The following PODXL2 variants were observed in gnomAD, a reference collection of about 807,000 sequenced individuals.
The protein encoded by PODXL2 is podocalyxin like 2, also known as podocalyxin-like protein 2.
A neutral mutation model predicts 53.4 loss-of-function variants in PODXL2; 17 were observed. That is an observed-to-expected ratio of 0.32 (90% CI 0.22 to 0.48). The LOEUF (loss-of-function observed/expected upper bound fraction) is 0.48. Among genes scored for constraint, PODXL2 ranks in the 20% least tolerant of loss-of-function variants. The pLI, the probability that PODXL2 is intolerant of heterozygous loss-of-function variation, is 0.99. For missense variants in PODXL2, 673 were observed against 760.0 expected (o/e 0.89, Z 1.35); for synonymous variants, 311 against 306.7 (o/e 1.01, Z -0.15).
chr3:127,662,000 A>G (rs1437989242), intron 3 of PODXL2, among the ~76,000 whole-genome samples: 1 of 152,188 alleles, frequency 6.6e-6, no homozygotes, highest in Non-Finnish European at 1.5e-5. Context: ...CTTCCTGGGA[A>G]TAATGCCTGG....
At chr3:127,651,016 A>G (rs1576430552) in intron 2 of PODXL2, among the ~76,000 whole-genome samples, 2 of 152,148 alleles carry the variant, frequency 1.3e-5, no homozygotes, top group Admixed American at 6.5e-5. Context: ...CGTAATCCCA[A>G]CGCTTCGGGA....
Position 127,652,036 on chromosome 3 carries a change from GTCAGCTTGCTCCTGTCCAGCA to G in PODXL2, c.350-8339_350-8319del, listed in dbSNP as rs537645752. 5.3e-3 allele frequency among the ~76,000 whole-genome samples: 802 copies of G among 152,328 alleles called. 6 individuals carry two copies. The highest frequency in any genetic ancestry group is 0.018 in the African/African-American group (750 of 41,576). ...CTGGGGAGAGGTCATGATTCTGCTT[GTCAGCTTGCTCCTGTCCAGCA>G]TCCCAAGCCAAGCCCGGGTGCTGGA... On this transcript the variant is annotated intron_variant, in intron 2 of 7. Coordinates refer to ENST00000342480, the MANE Select transcript of PODXL2 (RefSeq NM_015720.4).
At position 127,661,726 on chromosome 3, in the gene PODXL2, C is replaced by G. The variant is rs532698371; in HGVS notation, c.1132-511C>G. Among the ~76,000 whole-genome samples, 5 of 152,168 alleles carry G rather than the reference C, an allele frequency of 3.3e-5. No homozygotes were observed. The East Asian group carries it at 5.8e-4, about 18-fold the overall frequency. ...TGCTGGGATTACAGGCATTAGCTAC[C>G]GCACCCAGCCCACACTTAGACTTCT... On this transcript the variant is annotated intron_variant, in intron 3 of 7. Transcript: ENST00000342480.
At chr3:127,671,297 G>C (rs2074834195) in intron 6 of PODXL2, 137 bp from the exon 7 acceptor site, 1 of 748,830 alleles carries the variant, frequency 1.3e-6, no homozygotes, top group Non-Finnish European at 2.2e-6. Context: ...CCAGGCGCCA[G>C]GGAACTTCAG....
Position 127,668,680 on chromosome 3 carries a change from G to A in PODXL2, c.1363+83G>A, listed in dbSNP as rs556111054. On this transcript the variant is annotated intron_variant, in intron 5 of 7. Transcript: ENST00000342480. ...TGAGGGTCACGGGAAAAAAGTGCAC[G>A]CATAAGGGCTTTGAAACTTGGAACT... 4.6e-5 allele frequency: 59 copies of A among 1,286,042 alleles called. No individual in the cohort carries two copies. The African/African-American group carries it at 7.4e-4, about 16-fold the overall frequency. 79.7% of individuals were successfully genotyped at this position (1,286,042 alleles called of 1,614,324 possible).
At chr3:127,649,189 T>C (rs2074674171) in intron 2 of PODXL2, among the ~76,000 whole-genome samples, 1 of 152,234 alleles carries the variant, frequency 6.6e-6, no homozygotes, top group South Asian at 2.1e-4. Context: ...CACATCTTGC[T>C]GTTTCACTTA....
rs2074810843 is a variant in PODXL2 at position 127,668,606 on chromosome 3, G to A, written c.1363+9G>A. 6.6e-7 allele frequency: 1 copy of A among 1,514,942 alleles called. No homozygotes were observed. Among genetic ancestry groups the A allele is most frequent in the East Asian group, 2.4e-5 (1 of 41,334 alleles). The allele number at this position is 1,514,942 out of a possible 1,614,324, so 93.8% of individuals were successfully genotyped here. On this transcript the variant is annotated intron_variant, in intron 5 of 7. Transcript: ENST00000342480. ...ACTGGTGGGCGAGCAGGGTGAGCGA[G>A]GGCAGGTGATGGGAGGGCCCAGGAG...
rs995626845 is a variant in PODXL2, at chr3:127,672,459, CGAG to C, written c.1803_1805del (p.Glu601del). ...GGGACCCCGAGGACTCGGACGTGTTCGAGGAGGACACGCACCTGTGAGCGCAGC... is the reference window on the plus strand; with the variant it reads ...GGGACCCCGAGGACTCGGACGTGTTCGAGGACACGCACCTGTGAGCGCAGC... On this transcript the variant is annotated inframe_deletion, in exon 8 of 8. Transcript: ENST00000342480. The C allele has an allele frequency of 1.3e-5, 20 of 1,530,060 alleles. No homozygotes were observed. The highest frequency in any genetic ancestry group is 2.5e-5 in the East Asian group (1 of 40,642). The allele number at this position is 1,530,060 out of a possible 1,614,324, so 94.8% of individuals were successfully genotyped here. A position where few individuals can be genotyped will look rare whatever the true frequency, so the allele number is the denominator to read the frequency against.
rs145976835 is a variant in PODXL2 at position 127,671,021 on chromosome 3, C to T, written c.1426-413C>T. Among the ~76,000 whole-genome samples the T allele has an allele frequency of 3.0e-3, 451 of 152,280 alleles. 3 individuals carry two copies. The highest frequency in any genetic ancestry group is 0.01 in the African/African-American group (416 of 41,560). The stretch of plus-strand genomic sequence containing the variant: ...CCACCCCTCCCCACCGAGGTGGAAG[C>T]GGTTGTATGGTGGAGGATGTGTGGG... On this transcript the variant is annotated intron_variant, in intron 6 of 7. Transcript: ENST00000342480.
intron 1 of PODXL2, among the ~76,000 whole-genome samples, chr3:127,632,718 T>C (rs952387430): frequency 6.6e-6 from 1 of 152,214 alleles, no homozygotes; most frequent in African/African-American, 2.4e-5. Context: ...CTAAAGAACT[T>C]AGGGTTCCAC....
chr3:127,631,825 A>G (rs958420008), intron 1 of PODXL2, among the ~76,000 whole-genome samples: 1 of 152,254 alleles, frequency 6.6e-6, no homozygotes, highest in Non-Finnish European at 1.5e-5. Flanking sequence ...AAGACAAAAC[A>G]GTCATTAGAG....
chr3:127,665,074 C>T (rs1026315163), intron 4 of PODXL2, among the ~76,000 whole-genome samples: 1 of 152,164 alleles, frequency 6.6e-6, no homozygotes, highest in African/African-American at 2.4e-5. Flanking sequence ...ATTAGCACTG[C>T]TACAAAACTA....
intron 4 of PODXL2, among the ~76,000 whole-genome samples, chr3:127,666,924 G>A (rs1337011953): frequency 6.6e-6 from 1 of 152,246 alleles, no homozygotes; most frequent in Non-Finnish European, 1.5e-5. Flanking sequence ...ACAGAGGGCA[G>A]GCACTTCATG....
At position 127,629,439 on chromosome 3, in the gene PODXL2, A is replaced by C; in HGVS notation, c.70+150A>C. On this transcript the variant is annotated intron_variant, in intron 1 of 7. Coordinates refer to ENST00000342480, the MANE Select transcript of PODXL2 (RefSeq NM_015720.4). This position sits in a 1 kb window ranked among gnomAD's most constrained non-coding sequence, Gnocchi z 6.4. The stretch of plus-strand genomic sequence containing the variant: ...CCGGGCCGCGGCGCCGCCCCGACAC[A>C]CGCGCACGAGGAGTGGGTGCGTGGG... 8.9e-6 allele frequency: 5 copies of C among 562,228 alleles called. No homozygotes were observed. Among genetic ancestry groups the C allele is most frequent in the African/African-American group, 2.1e-5 (1 of 48,558 alleles). 34.8% of individuals were successfully genotyped at this position (562,228 alleles called of 1,614,324 possible).
At chr3:127,642,839 C>G (rs2074629321) in intron 2 of PODXL2, among the ~76,000 whole-genome samples, 1 of 152,078 alleles carries the variant, frequency 6.6e-6, no homozygotes. Context: ...CAGGAAGGCT[C>G]CAGTGCTGTC....
intron 2 of PODXL2, among the ~76,000 whole-genome samples, chr3:127,650,540 C>CA (rs1428677401): frequency 2.6e-5 from 4 of 152,172 alleles, no homozygotes; most frequent in Non-Finnish European, 4.4e-5. Flanking sequence ...CATTTTGCAT[C>CA]AATTAGTCTC....
chr3:127,653,142 C>A lies in PODXL2; in HGVS notation c.350-7236C>A, dbSNP rs181702789. Among the ~76,000 whole-genome samples the A allele has an allele frequency of 2.6e-5, 4 of 152,284 alleles. No homozygotes were observed. In the East Asian group the frequency reaches 7.7e-4, roughly 29 times the overall value. Reference sequence around the variant, plus strand: ...CCTCTCCCCTCTCAATGCAGCGAGTCCCTAGAAGCCTGATCTGTATTCCTT... The same window carrying A: ...CCTCTCCCCTCTCAATGCAGCGAGTACCTAGAAGCCTGATCTGTATTCCTT... On this transcript the variant is annotated intron_variant, in intron 2 of 7. Transcript: ENST00000342480.
At chr3:127,671,228 G>T (rs964593789) in intron 6 of PODXL2, among the ~76,000 whole-genome samples, 11 of 152,162 alleles carry the variant, frequency 7.2e-5, no homozygotes, top group African/African-American at 2.7e-4. Context: ...ATGGGCATGG[G>T]GTGGAGAGGC....
At position 127,660,573 on chromosome 3, in the gene PODXL2, A is replaced by C. The variant is rs1252905267; in HGVS notation, c.545A>C (p.Glu182Ala). Reference protein sequence around the residue: ...EREKEEVEKQEEEEEEELLPV... With the variant: ...EREKEEVEKQAEEEEEELLPV... ...GAGAAGGAAGAGGTAGAGAAACAAG[A>C]GGAGGAGGAAGAGGAGGAGCTGCTC... The change falls in exon 3 of 8, where the codon GAG becomes GCG. Residue 182 changes from glutamate to alanine, a missense_variant. Glu to Ala is a moderately radical substitution (Grantham distance 107). This residue lies in a region of PODXL2 where 588 missense variants were observed against 668.3 expected (regional missense o/e 0.88). Coordinates refer to ENST00000342480, the MANE Select transcript of PODXL2 (RefSeq NM_015720.4). 6.2e-7 allele frequency: 1 copy of C among 1,613,948 alleles called. No homozygotes were observed. Among genetic ancestry groups the C allele is most frequent in the East Asian group, 2.2e-5 (1 of 44,866 alleles).
Sources: gnomAD v4.1 joint callset for allele counts (sites outside exome capture counted in the v4.1 genomes callset) on GRCh38, gnomAD v4.1.1 for gene constraint, gnomAD v4.1.1 regional missense constraint, Gnocchi (gnomAD v3.1) non-coding constraint, MANE v1.5 for transcripts, NCBI Gene and HGNC (gene_info 2026-07-23, HGNC 2026-07-21) for gene names.